Variants in ADGB observed in about 807,000 individuals in gnomAD.
ADGB encodes androglobin, also known as calpain-7-like protein.
Under a neutral mutation model 210.5 loss-of-function variants are expected in ADGB, and 172 were observed. That is an observed-to-expected ratio of 0.82 (90% CI 0.72 to 0.93). The LOEUF is 0.93. Ranked by LOEUF, ADGB falls within the 40% of genes least tolerant of loss-of-function variation. ADGB has a pLI of 0.00. For synonymous variants in ADGB, 658 were observed against 662.7 expected (o/e 0.99, Z 0.11); for missense variants, 2,025 against 1,964.8 (o/e 1.03, Z -0.58).
chr6:146,654,377 G>T (rs1406307755), intron 4 of ADGB, among the ~76,000 whole-genome samples, 171 bp downstream of exon 4: 2 of 151,880 alleles, frequency 1.3e-5, no homozygotes, highest in African/African-American at 2.4e-5. Context: ...GTTTGAGACA[G>T]AGTCTTGCTC....
At position 146,745,944 on chromosome 6, in the gene ADGB, A is replaced by C. The variant is rs1170677861; in HGVS notation, c.3200A>C (p.Glu1067Ala). ...KNKKGYTFVA[E>A]AFTGDTYVAA... ...TAGAAGGGATACACTTTTGTGGCGGAAGCATTTACAGGCGACACATATGTA... is the reference window on the plus strand; with the variant it reads ...TAGAAGGGATACACTTTTGTGGCGGCAGCATTTACAGGCGACACATATGTA... The change falls in exon 26 of 36, where the codon GAA (glutamate) becomes GCA (alanine). Residue 1067 changes from glutamate to alanine, a missense_variant. Physicochemically the swap from Glu to Ala is moderately radical, Grantham distance 107. Transcript: ENST00000397944. The C allele has an allele frequency of 1.9e-6, 3 of 1,547,514 alleles. No homozygotes were observed. In the Admixed American group the frequency reaches 6.0e-5, roughly 31 times the overall value.
chr6:146,722,551 C>T (rs1368442072), intron 17 of ADGB, among the ~76,000 whole-genome samples: 1 of 152,138 alleles, frequency 6.6e-6, no homozygotes, highest in Non-Finnish European at 1.5e-5. Context: ...ATTTGAGGAG[C>T]ACAAATCTCA....
At chr6:146,671,331 G>T (rs1776005840) in intron 7 of ADGB, among the ~76,000 whole-genome samples, 2 of 152,130 alleles carry the variant, frequency 1.3e-5, no homozygotes. Flanking sequence ...TTCTGCCAAG[G>T]AAGTGGTGAT....
intron 5 of ADGB, among the ~76,000 whole-genome samples, chr6:146,662,659 C>A (rs1775878661): frequency 6.6e-6 from 1 of 151,684 alleles, no homozygotes; most frequent in Non-Finnish European, 1.5e-5. Flanking sequence ...TGAGACTTTT[C>A]TGGGTTTTGG....
At chr6:146,782,780 G>T (rs1011296538) in intron 30 of ADGB, among the ~76,000 whole-genome samples, 5 of 152,058 alleles carry the variant, frequency 3.3e-5, no homozygotes, top group African/African-American at 1.2e-4. Flanking sequence ...TTCAGGGCCA[G>T]TTAGAAAATT....
intron 1 of ADGB, among the ~76,000 whole-genome samples, chr6:146,630,748 C>T (rs1345836259): frequency 2.0e-5 from 3 of 152,212 alleles, no homozygotes; most frequent in South Asian, 2.1e-4. Context: ...GGTGAAAATA[C>T]GGCTTTCCAA....
intron 1 of ADGB, among the ~76,000 whole-genome samples, chr6:146,607,680 T>C (rs551200677): frequency 3.3e-5 from 5 of 152,224 alleles, no homozygotes; most frequent in Non-Finnish European, 5.9e-5. Flanking sequence ...TCTGCTTATG[T>C]GATGAATAAT....
At position 146,644,847 on chromosome 6, in the gene ADGB, A is replaced by T; in HGVS notation, c.312A>T (p.Gln104His). Residue 104 changes from glutamine to histidine, a missense_variant, in exon 3 of 36, where the codon CAA becomes CAT. By Grantham distance (24) the Gln-to-His change is conservative (BLOSUM62 0). Transcript: ENST00000397944. ...AAATTTATTCCTGGAAACGTCCACAAGATATTTTATTTAGTCAGGTAAGAA... is the reference window on the plus strand; with the variant it reads ...AAATTTATTCCTGGAAACGTCCACATGATATTTTATTTAGTCAGGTAAGAA... ...SLKIYSWKRP[Q>H]DILFSQTPVV... The T allele has an allele frequency of 6.7e-7, 1 of 1,488,636 alleles. No homozygotes were observed. The highest frequency in any genetic ancestry group is 8.9e-7 in the Non-Finnish European group (1 of 1,118,224). 92.2% of individuals were successfully genotyped at this position (1,488,636 alleles called of 1,614,324 possible).
intron 17 of ADGB, 28 bp from the exon 18 acceptor site, chr6:146,724,158 C>A: frequency 1.3e-6 from 2 of 1,531,834 alleles, no homozygotes; most frequent in Non-Finnish European, 1.8e-6. Context: ...CATGATCAAA[C>A]TTTAATACCT....
intron 26 of ADGB, 101 bp from the exon 27 acceptor site, chr6:146,752,429 C>A: frequency 2.8e-6 from 3 of 1,057,474 alleles, no homozygotes; most frequent in Non-Finnish European, 4.0e-6. Context: ...CACAGTTTGA[C>A]AGCAGATTTG....
At chr6:146,657,053 C>T in intron 5 of ADGB, 73 bp downstream of exon 5, 2 of 1,313,832 alleles carry the variant, frequency 1.5e-6, no homozygotes, top group African/African-American at 1.5e-5. Context: ...GGCATGGTGG[C>T]TCATGCCTGT....
Position 146,666,947 on chromosome 6 carries a change from C to T in ADGB, c.839+45C>T, listed in dbSNP as rs755551599. 16 of 1,388,784 alleles carry T rather than the reference C, an allele frequency of 1.2e-5. No individual in the cohort carries two copies. The South Asian group carries it at 2.1e-4, about 18-fold the overall frequency. The allele number at this position is 1,388,784 out of a possible 1,614,324, so 86.0% of individuals were successfully genotyped here. A position where few individuals can be genotyped will look rare whatever the true frequency, so the allele number is the denominator to read the frequency against. On this transcript the variant is annotated intron_variant, in intron 7 of 35. Transcript: ENST00000397944. ...TGCTCATATCTATTTTTTTTATCTTCCCAAGATTTCTTTAAAATATTCCTA... is the reference window on the plus strand; with the variant it reads ...TGCTCATATCTATTTTTTTTATCTTTCCAAGATTTCTTTAAAATATTCCTA...
chr6:146,622,099 AG>A (rs1780902683), intron 1 of ADGB, among the ~76,000 whole-genome samples: 2 of 152,142 alleles, frequency 1.3e-5, no homozygotes, highest in Non-Finnish European at 2.9e-5. Flanking sequence ...ATACAACAGT[AG>A]CTAATTTTGG....
chr6:146,676,853 T>C (rs960232873), intron 9 of ADGB, among the ~76,000 whole-genome samples: 7 of 152,224 alleles, frequency 4.6e-5, no homozygotes, highest in African/African-American at 7.2e-5. Context: ...GCTCTTTTAC[T>C]GTGTTTTAGA....
chr6:146,645,288 AT>A (rs1775591443), intron 3 of ADGB, among the ~76,000 whole-genome samples: 1 of 151,994 alleles, frequency 6.6e-6, no homozygotes, highest in African/African-American at 2.4e-5. Flanking sequence ...TATTTCAGGG[AT>A]TCTTGAAGCA....
intron 35 of ADGB, among the ~76,000 whole-genome samples, chr6:146,806,204 A>G (rs1401407303): frequency 6.6e-6 from 1 of 152,242 alleles, no homozygotes; most frequent in Non-Finnish European, 1.5e-5. Context: ...AAAAATACTA[A>G]GACAGCTTTG....
Position 146,752,734 on chromosome 6 carries a change from C to A in ADGB, c.3550+20C>A. On this transcript the variant is annotated intron_variant, in intron 27 of 35. Transcript: ENST00000397944. ...CCCAGTGTAAGTGTACCTTTATGAA[C>A]AGGATAGTTAGATTCATAAATGGAT... 1 of 1,517,658 alleles carries A rather than the reference C, an allele frequency of 6.6e-7. No individual in the cohort carries two copies. 94.0% of individuals were successfully genotyped at this position (1,517,658 alleles called of 1,614,324 possible).
Position 146,788,582 on chromosome 6 carries a change from C to T in ADGB, c.4509C>T (p.Arg1503=), listed in dbSNP as rs759630521. 2.4e-5 allele frequency: 38 copies of T among 1,551,536 alleles called. 1 individual carries two copies. Among genetic ancestry groups the T allele is most frequent in the African/African-American group, 4.1e-5 (3 of 73,068 alleles). The change falls in exon 33 of 36, where the codon CGC becomes CGT. Residue 1503 remains arginine (R), a synonymous_variant. Coordinates refer to ENST00000397944, the MANE Select transcript of ADGB (RefSeq NM_024694.4). ...TGTCTTCACCAGGGAAAGAAGAGCG[C>T]GAGCAGAGCACACGGAAGGAAAACA... ...GGVSSPGKEE[R]EQSTRKENIQ... is the part of the protein sequence containing the mutation.
intron 12 of ADGB, among the ~76,000 whole-genome samples, chr6:146,694,073 C>A (rs1228183317): frequency 6.6e-6 from 1 of 152,124 alleles, no homozygotes; most frequent in East Asian, 1.9e-4. Flanking sequence ...CCGTTCATGG[C>A]AATGTAGGCT....
Sources: allele counts gnomAD v4.1 joint callset (sites outside exome capture counted in the v4.1 genomes callset), GRCh38; gene constraint gnomAD v4.1.1; transcripts MANE v1.5; gene names NCBI Gene and HGNC (gene_info 2026-07-23, HGNC 2026-07-21).